Variants in LRIF1 observed in about 807,000 individuals in gnomAD.
The protein encoded by LRIF1 is ligand dependent nuclear receptor interacting factor 1.
LRIF1 carries 32 observed loss-of-function variants against 52.7 expected under a neutral mutation model. The ratio of observed to expected loss-of-function variants is 0.61; its 90% confidence interval spans 0.46 to 0.82. The LOEUF (loss-of-function observed/expected upper bound fraction) is 0.82, where lower values mean the gene tolerates loss of function less well. LRIF1 is among the 40% of genes least tolerant of loss of function. The pLI is 0.00. For synonymous variants in LRIF1, 323 were observed against 317.4 expected, an observed-to-expected ratio of 1.02 and a Z score of -0.19; for missense variants, 887 against 892.0, an observed-to-expected ratio of 0.99 and a Z score of 0.07.
chr1:110,909,573 CTT>C, the LRIF1 span, among the ~76,000 whole-genome samples: 1,068 of 78,000 alleles, frequency 0.014, 6 homozygotes, highest in African/African-American at 0.045. Flanking sequence ...GCAGGGGTAG[CTT>C]TTTTTTTTTT....
At chr1:110,891,591 A>G in the LRIF1 span, 1 of 746,062 alleles carries the variant, frequency 1.3e-6, no homozygotes, top group Non-Finnish European at 2.4e-6. Context: ...CATGTCCAGC[A>G]CAACCATCCT....
chr1:110,894,916 C>T, the LRIF1 span: 3 of 1,469,536 alleles, frequency 2.0e-6, no homozygotes, highest in East Asian at 2.3e-5. Flanking sequence ...CTTGAACTCA[C>T]CTGCTTTTTA....
downstream of LRIF1, chr1:110,945,279 GAT>G (rs1017955905): frequency 3.9e-4 from 59 of 152,256 alleles, no homozygotes; most frequent in African/African-American, 1.3e-3. Flanking sequence ...GATCAGAAAG[GAT>G]ATATAAGGTA....
the LRIF1 span, among the ~76,000 whole-genome samples, chr1:110,875,734 A>G: frequency 6.6e-6 from 1 of 152,208 alleles, no homozygotes; most frequent in Non-Finnish European, 1.5e-5. Context: ...ACAGCTATGC[A>G]GAGCAGGACT....
chr1:110,952,135 T>C lies in LRIF1; in HGVS notation c.749A>G (p.Tyr250Cys), dbSNP rs954656935. The change falls in exon 2 of 4, where the codon TAC (tyrosine) becomes TGC (cysteine). Residue 250 changes from tyrosine to cysteine, a missense_variant. Transcript: ENST00000369763. ...TGCTATTTCTGTAACAGGTTTTGGG[T>C]AAATGTTTTGAAAGTTCTTGGTAAC... ...NVVTKNFQNIYPKPVTEIAKP... is the reference protein window; with the variant it reads ...NVVTKNFQNICPKPVTEIAKP... 10 of 1,614,066 alleles carry C rather than the reference T, an allele frequency of 6.2e-6. No individual in the cohort carries two copies. The highest frequency in any genetic ancestry group is 1.3e-5 in the African/African-American group (1 of 74,930).
At chr1:110,961,510 C>T (rs922395762) in intron 1 of LRIF1, among the ~76,000 whole-genome samples, 10 of 152,090 alleles carry the variant, frequency 6.6e-5, no homozygotes, top group African/African-American at 2.4e-4. Flanking sequence ...CCAGATTTTT[C>T]CTTTGTACTC....
the LRIF1 span, among the ~76,000 whole-genome samples, chr1:110,875,387 G>C: frequency 1.3e-5 from 2 of 152,204 alleles, no homozygotes; most frequent in Non-Finnish European, 1.5e-5. Flanking sequence ...GAATTGATGG[G>C]ATGTGGGTTT....
the LRIF1 span, among the ~76,000 whole-genome samples, chr1:110,904,011 G>T: frequency 1.3e-5 from 2 of 152,320 alleles, no homozygotes; most frequent in African/African-American, 2.4e-5. Flanking sequence ...ATGGCTTGTG[G>T]TGGTAGTGGC....
At chr1:110,876,909 G>T in the LRIF1 span, among the ~76,000 whole-genome samples, 1 of 152,090 alleles carries the variant, frequency 6.6e-6, no homozygotes, top group African/African-American at 2.4e-5. Context: ...TCATTTGACA[G>T]TAATTAGTAA....
rs1335053313 is a variant in LRIF1 at position 110,950,071 on chromosome 1, TC to T, written c.1648del (p.Asp550ThrfsTer15). The T allele has an allele frequency of 1.2e-6, 2 of 1,614,002 alleles. No homozygotes were observed. Among genetic ancestry groups the T allele is most frequent in the Non-Finnish European group, 1.7e-6 (2 of 1,179,978 alleles). ...TSDKGAQGRN[D>X]KKDSQGRSNK... ...ACTTCTTCCTTGAGAATCTTTCTTG[TC>T]ATTTCTTCCTTGGGCACCTTTATCT... On this transcript the variant is annotated frameshift_variant, in exon 3 of 4. Transcript: ENST00000369763. LOFTEE classifies it high-confidence loss of function.
intron 1 of LRIF1, among the ~76,000 whole-genome samples, chr1:110,960,435 C>T (rs1189168025): frequency 1.3e-5 from 2 of 152,122 alleles, no homozygotes; most frequent in East Asian, 3.8e-4. Flanking sequence ...AACCAAACCC[C>T]CTGCTGAGAA....
chr1:110,952,569 G>A lies in LRIF1; in HGVS notation c.315C>T (p.Asn105=). The stretch of plus-strand genomic sequence containing the variant: ...TATCTACTGTTCTTGTAAGAAAATA[G>A]TTTGAAGAACTGGCTGGCTGAAAAA... ...LPIFQPASSS[N]YFLTRTVDTS... Residue 105 remains asparagine, a synonymous_variant, in exon 2 of 4, where the codon AAC becomes AAT. Transcript: ENST00000369763. 1 of 1,613,942 alleles carries A rather than the reference G, an allele frequency of 6.2e-7. No homozygotes were observed. Among genetic ancestry groups the A allele is most frequent in the African/African-American group, 1.3e-5 (1 of 75,052 alleles).
At chr1:110,878,382 C>T in the LRIF1 span, among the ~76,000 whole-genome samples, 1 of 151,818 alleles carries the variant, frequency 6.6e-6, no homozygotes, top group Non-Finnish European at 1.5e-5. Flanking sequence ...GATAGGGAGC[C>T]GTAATTACCT....
chr1:110,925,558 G>A, the LRIF1 span, among the ~76,000 whole-genome samples: 1 of 152,218 alleles, frequency 6.6e-6, no homozygotes, highest in South Asian at 2.1e-4. Context: ...ATGGGGAAAT[G>A]TTGAAAAATT....
At chr1:110,888,886 A>AC in the LRIF1 span, among the ~76,000 whole-genome samples, 2 of 152,160 alleles carry the variant, frequency 1.3e-5, no homozygotes, top group South Asian at 4.1e-4. Context: ...GCTCAAGGGG[A>AC]CTACATTCAT....
chr1:110,890,196 T>C, the LRIF1 span, among the ~76,000 whole-genome samples: 1 of 152,136 alleles, frequency 6.6e-6, no homozygotes, highest in Admixed American at 6.5e-5. Context: ...TGCCCCAACA[T>C]TCTGCTTGAT....
chr1:110,942,070 T>C, the LRIF1 span: 6 of 152,218 alleles, frequency 3.9e-5, no homozygotes, highest in East Asian at 1.9e-4. Context: ...TCTTTTCTTA[T>C]ACCTATTTAA....
the LRIF1 span, among the ~76,000 whole-genome samples, chr1:110,883,268 A>G: frequency 6.6e-6 from 1 of 151,994 alleles, no homozygotes; most frequent in Non-Finnish European, 1.5e-5. Context: ...CATCAAAAAT[A>G]GATGTTGAAT....
At chr1:110,949,058 C>G (rs1170531892) in intron 3 of LRIF1, among the ~76,000 whole-genome samples, 1 of 151,836 alleles carries the variant, frequency 6.6e-6, no homozygotes, top group Non-Finnish European at 1.5e-5. Context: ...TAAAACATAT[C>G]TTTAACTGGG....
Sources: allele counts gnomAD v4.1 joint callset (sites outside exome capture counted in the v4.1 genomes callset), GRCh38; gene constraint gnomAD v4.1.1; transcripts MANE v1.5; gene names NCBI Gene and HGNC (gene_info 2026-07-23, HGNC 2026-07-21).